GXYLT1: variants seen among roughly 807,000 people sequenced by gnomAD.
The protein encoded by GXYLT1 is glycosyltransferase 8 domain containing 3.
In GXYLT1, 29 loss-of-function variants were observed where a neutral mutation model predicts 54.0. The observed-to-expected ratio is 0.54, with a 90% CI of 0.40 to 0.73. GXYLT1 has a LOEUF of 0.73. Among genes scored for constraint, GXYLT1 ranks in the 30% least tolerant of loss-of-function variants. GXYLT1 has a pLI of 0.00. For synonymous variants in GXYLT1, 176 were observed against 204.1 expected, an observed-to-expected ratio of 0.86 and a Z score of 1.17; for missense variants, 490 against 553.4, an observed-to-expected ratio of 0.89 and a Z score of 1.15.
chr12:42,130,950 T>G (rs897037958), intron 1 of GXYLT1, among the ~76,000 whole-genome samples: 1 of 151,878 alleles, frequency 6.6e-6, no homozygotes, highest in Admixed American at 6.6e-5. Flanking sequence ...AGACTCTGTC[T>G]CAAACAAAAA....
chr12:42,097,843 T>A lies in GXYLT1; in HGVS notation c.988+67A>T, dbSNP rs2065365182. On this transcript the variant is annotated intron_variant, in intron 6 of 7. Coordinates refer to ENST00000398675, the MANE Select transcript of GXYLT1 (RefSeq NM_173601.2). ...TAAGACAGAATCAGATAAGTGCATGTTTTCCTTTTTCACTAAGTATTATCT... is the reference window on the plus strand; with the variant it reads ...TAAGACAGAATCAGATAAGTGCATGATTTCCTTTTTCACTAAGTATTATCT... The A allele has an allele frequency of 2.4e-6, 3 of 1,228,874 alleles. No individual in the cohort carries two copies. In the East Asian group the frequency reaches 7.1e-5, roughly 29 times the overall value. The allele number at this position is 1,228,874 out of a possible 1,614,324, so 76.1% of individuals were successfully genotyped here.
chr12:42,096,774 A>C (rs761154666), intron 7 of GXYLT1, among the ~76,000 whole-genome samples: 12 of 152,148 alleles, frequency 7.9e-5, no homozygotes, highest in Non-Finnish European at 1.3e-4. Context: ...TAAGAGGAAA[A>C]ATAACTACAC....
chr12:42,117,316 C>A (rs1480086989), intron 3 of GXYLT1, among the ~76,000 whole-genome samples: 1 of 151,494 alleles, frequency 6.6e-6, no homozygotes, highest in Non-Finnish European at 1.5e-5. Context: ...GTAAAGAGAT[C>A]AAGATCATAA....
At chr12:42,096,056 G>C (rs1217906108) in intron 7 of GXYLT1, among the ~76,000 whole-genome samples, 1 of 152,184 alleles carries the variant, frequency 6.6e-6, no homozygotes, top group African/African-American at 2.4e-5. Context: ...GATGACAGAA[G>C]TCAGGATTCT....
At position 42,086,678 on chromosome 12, in the gene GXYLT1, A is replaced by C. The variant is rs771047384; in HGVS notation, c.*1108T>G. ...GATATTCAAAAATGCACATCAACCC[A>C]ATTAAAACCACATTTTCTACAGCTG... On this transcript the variant is annotated 3_prime_UTR_variant, in exon 8 of 8. Coordinates refer to ENST00000398675, the MANE Select transcript of GXYLT1 (RefSeq NM_173601.2). The C allele has an allele frequency of 6.6e-6, 1 of 151,748 alleles. No homozygotes were observed. The highest frequency in any genetic ancestry group is 1.5e-5 in the Non-Finnish European group (1 of 67,940). 9.4% of individuals were successfully genotyped at this position (151,748 alleles called of 1,614,324 possible). A position where few individuals can be genotyped will look rare whatever the true frequency, so the allele number is the denominator to read the frequency against.
rs397518055 is a variant in GXYLT1, at chr12:42,091,415, A to AT, written c.1162-3469dup. Reference sequence around the variant, plus strand: ...GGGAAACTTAATTCTCTAATAGTAGATTTTTTTTAATACTCAAAGGAAACA... The same window carrying AT: ...GGGAAACTTAATTCTCTAATAGTAGATTTTTTTTTAATACTCAAAGGAAACA... On this transcript the variant is annotated intron_variant, in intron 7 of 7. Transcript: ENST00000398675. 8.1e-3 allele frequency among the ~76,000 whole-genome samples: 1,153 copies of AT among 142,374 alleles called. 43 individuals are homozygous for AT. In the East Asian group the frequency reaches 0.09, roughly 11 times the overall value. The allele number at this position is 142,374 out of a possible 152,430, so 93.4% of individuals were successfully genotyped here. A position where few individuals can be genotyped will look rare whatever the true frequency, so the allele number is the denominator to read the frequency against.
At chr12:42,137,615 G>A (rs1389568242) in intron 1 of GXYLT1, among the ~76,000 whole-genome samples, 1 of 151,712 alleles carries the variant, frequency 6.6e-6, no homozygotes, top group Non-Finnish European at 1.5e-5. Context: ...AAATTATCTG[G>A]GCGTGGTGGC....
chr12:42,112,210 A>G (rs2065461944), intron 3 of GXYLT1, among the ~76,000 whole-genome samples: 1 of 152,168 alleles, frequency 6.6e-6, no homozygotes, highest in South Asian at 2.1e-4. Context: ...CAGAGCAGAA[A>G]AACTGGAAAC....
Position 42,144,689 on chromosome 12 carries a change from C to A in GXYLT1, c.-43G>T. The A allele has an allele frequency of 7.3e-7, 1 of 1,365,866 alleles. No individual in the cohort carries two copies. Among genetic ancestry groups the A allele is most frequent in the Non-Finnish European group, 9.5e-7 (1 of 1,047,682 alleles). The allele number at this position is 1,365,866 out of a possible 1,614,324, so 84.6% of individuals were successfully genotyped here. A position where few individuals can be genotyped will look rare whatever the true frequency, so the allele number is the denominator to read the frequency against. On this transcript the variant is annotated 5_prime_UTR_variant, in exon 1 of 8. Coordinates refer to ENST00000398675, the MANE Select transcript of GXYLT1 (RefSeq NM_173601.2). The stretch of plus-strand genomic sequence containing the variant: ...TCCTTCGCCGCCGCCGCCGCGCCCG[C>A]CCCGACGAACTGGAGCGGAGGGAGG...
At chr12:42,139,472 G>T (rs887918208) in intron 1 of GXYLT1, among the ~76,000 whole-genome samples, 1 of 152,024 alleles carries the variant, frequency 6.6e-6, no homozygotes, top group African/African-American at 2.4e-5. Flanking sequence ...TGGGATTAGT[G>T]GGGGGCCTTA....
At chr12:42,128,253 G>C (rs1309571135) in intron 2 of GXYLT1, among the ~76,000 whole-genome samples, 1 of 152,070 alleles carries the variant, frequency 6.6e-6, no homozygotes, top group Admixed American at 6.6e-5. Context: ...GGTTTTAAAT[G>C]TGCCCATTAC....
At chr12:42,095,636 A>C (rs1380673238) in intron 7 of GXYLT1, among the ~76,000 whole-genome samples, 1 of 152,210 alleles carries the variant, frequency 6.6e-6, no homozygotes, top group Non-Finnish European at 1.5e-5. Context: ...GGGGGCAGTT[A>C]GGATAAACGG....
chr12:42,105,771 G>C lies in GXYLT1; in HGVS notation c.864+47C>G, dbSNP rs890665577. 2.7e-6 allele frequency: 4 copies of C among 1,482,296 alleles called. No individual in the cohort carries two copies. The Admixed American group carries it at 9.0e-5, about 33-fold the overall frequency. 91.8% of individuals were successfully genotyped at this position (1,482,296 alleles called of 1,614,324 possible). A position where few individuals can be genotyped will look rare whatever the true frequency, so the allele number is the denominator to read the frequency against. Reference sequence around the variant, plus strand: ...ATTTAGTTTTATTAAAAACAATTTAGAAGGTTTTTAGAGAAATGTTAACAA... The same window carrying C: ...ATTTAGTTTTATTAAAAACAATTTACAAGGTTTTTAGAGAAATGTTAACAA... On this transcript the variant is annotated intron_variant, in intron 5 of 7. Coordinates refer to ENST00000398675, the MANE Select transcript of GXYLT1 (RefSeq NM_173601.2).
Position 42,082,037 on chromosome 12 carries a change from GA to G in GXYLT1, c.*5748del, listed in dbSNP as rs1009650154. On this transcript the variant is annotated 3_prime_UTR_variant, in exon 8 of 8. Transcript: ENST00000398675. ...GTCAAAATACACCAAATACTTAGAG[GA>G]AAATATTCACAGTATACCAAAACAT... The G allele has an allele frequency of 9.9e-5, 15 of 152,070 alleles. No homozygotes were observed. The highest frequency in any genetic ancestry group is 3.4e-4 in the African/African-American group (14 of 41,410). 9.4% of individuals were successfully genotyped at this position (152,070 alleles called of 1,614,324 possible).
chr12:42,127,610 C>T (rs1308925086), intron 2 of GXYLT1, among the ~76,000 whole-genome samples: 1 of 152,112 alleles, frequency 6.6e-6, no homozygotes, highest in Non-Finnish European at 1.5e-5. Context: ...CTGGGACACT[C>T]CTGCAGTCAG....
At chr12:42,140,206 G>A (rs1001408298) in intron 1 of GXYLT1, among the ~76,000 whole-genome samples, 1 of 134,552 alleles carries the variant, frequency 7.4e-6, no homozygotes, top group East Asian at 2.4e-4. Flanking sequence ...AAGGCGGGGG[G>A]GGGGGGACTT....
rs751788431 is a variant in GXYLT1, at chr12:42,129,807, A to G, written c.266T>C (p.Leu89Pro). ...SLCYWNPYWM[L>P]PSDVCGMNCF... ...GTTCATTCCACAAACATCAGAGGGC[A>G]GCATCCAATAGGGATTCCAGTAACA... The change falls in exon 2 of 8, where the codon CTG (leucine) becomes CCG (proline). Residue 89 changes from leucine (L) to proline (P), a missense_variant. By Grantham distance (98) the Leu-to-Pro change is moderately conservative (BLOSUM62 -3). Around this residue, in one of 2 missense-constraint regions of GXYLT1, gnomAD observed 148 missense variants for 210.7 expected, o/e 0.70. Transcript: ENST00000398675. 12 of 1,613,736 alleles carry G rather than the reference A, an allele frequency of 7.4e-6. No individual in the cohort carries two copies. The East Asian group carries it at 2.5e-4, about 33-fold the overall frequency.
intron 1 of GXYLT1, among the ~76,000 whole-genome samples, chr12:42,142,904 A>C (rs1310896540): frequency 2.0e-5 from 3 of 152,190 alleles, no homozygotes; most frequent in Non-Finnish European, 4.4e-5. Context: ...GCCTCATTTA[A>C]AATAAAGAGT....
intron 7 of GXYLT1, among the ~76,000 whole-genome samples, chr12:42,091,285 AG>A (rs1248326523): frequency 1.3e-5 from 2 of 150,936 alleles, no homozygotes; most frequent in South Asian, 2.1e-4. Flanking sequence ...TTTAAAAATA[AG>A]ATTTTTTTAA....
Sources: allele counts gnomAD v4.1 joint callset (sites outside exome capture counted in the v4.1 genomes callset), GRCh38; gene constraint gnomAD v4.1.1; regional missense constraint gnomAD v4.1.1; transcripts MANE v1.5; gene names NCBI Gene and HGNC (gene_info 2026-07-23, HGNC 2026-07-21).